The following ACACB variants were observed in gnomAD, a reference collection of about 807,000 sequenced individuals.
ACACB encodes acetyl-CoA carboxylase beta.
ACACB carries 209 observed loss-of-function variants against 278.8 expected under a neutral mutation model. The ratio of observed to expected loss-of-function variants is 0.75; its 90% CI spans 0.67 to 0.84. The LOEUF (loss-of-function observed/expected upper bound fraction) is 0.84. ACACB is among the 40% of genes least tolerant of loss of function. The probability of loss-of-function intolerance (pLI) is 0.00; values close to 1 mark genes in which losing one functional copy is unlikely to be tolerated. For synonymous variants in ACACB, 1,174 were observed against 1,285.6 expected (o/e 0.91, Z 1.86); for missense variants, 2,850 against 3,269.0 (o/e 0.87, Z 3.13).
chr12:109,117,754 A>C (rs2042441921), intron 1 of ACACB, among the ~76,000 whole-genome samples: 1 of 152,222 alleles, frequency 6.6e-6, no homozygotes, highest in African/African-American at 2.4e-5. Flanking sequence ...GGGACATGGG[A>C]CTTGCAATTT....
At chr12:109,184,165 G>A (rs964872658) in intron 11 of ACACB, among the ~76,000 whole-genome samples, 12 of 151,826 alleles carry the variant, frequency 7.9e-5, no homozygotes, top group African/African-American at 2.9e-4. Flanking sequence ...CGATTCTCCT[G>A]CCTCAGCCTC....
chr12:109,262,585 A>T, intron 49 of ACACB, 116 bp downstream of exon 49: 1 of 618,040 alleles, frequency 1.6e-6, no homozygotes, highest in Non-Finnish European at 2.8e-6. Context: ...ATACAGCTAT[A>T]ATAACTGTGA....
intron 38 of ACACB, 77 bp from the exon 39 acceptor site, chr12:109,246,096 AAATAAT>A: frequency 2.1e-6 from 3 of 1,447,576 alleles, no homozygotes; most frequent in Non-Finnish European, 2.8e-6. Context: ...TATCTAAAAA[AAATAAT>A]AATAACTAAA....
intron 2 of ACACB, among the ~76,000 whole-genome samples, chr12:109,158,184 A>G (rs1207900217): frequency 6.6e-6 from 1 of 152,102 alleles, no homozygotes; most frequent in Admixed American, 6.6e-5. Flanking sequence ...CAGACAGTAA[A>G]TATTTTTGGC....
chr12:109,253,282 C>T (rs2047144648), intron 43 of ACACB, 124 bp downstream of exon 43: 8 of 1,093,150 alleles, frequency 7.3e-6, no homozygotes, highest in Non-Finnish European at 1.0e-5. Context: ...GCACATGTGG[C>T]TGGGGTTGAT....
chr12:109,218,230 C>T (rs1389067986), intron 24 of ACACB, among the ~76,000 whole-genome samples: 1 of 152,200 alleles, frequency 6.6e-6, no homozygotes, highest in Non-Finnish European at 1.5e-5. Context: ...GAGACAGGGT[C>T]TCGCTCTGTT....
At chr12:109,214,306 A>C (rs1293870691) in intron 22 of ACACB, among the ~76,000 whole-genome samples, 1 of 152,140 alleles carries the variant, frequency 6.6e-6, no homozygotes, top group Non-Finnish European at 1.5e-5. Flanking sequence ...GATTTGAACC[A>C]GTAAATTCCA....
intron 1 of ACACB, among the ~76,000 whole-genome samples, chr12:109,117,922 GT>G (rs1377267652): frequency 1.3e-5 from 2 of 152,136 alleles, no homozygotes; most frequent in East Asian, 1.9e-4. Context: ...AATTTTTTTT[GT>G]ATTTTTAGTA....
intron 15 of ACACB, among the ~76,000 whole-genome samples, chr12:109,192,285 C>A (rs893930305): frequency 2.6e-5 from 4 of 152,180 alleles, no homozygotes; most frequent in Admixed American, 2.6e-4. Context: ...TAAAGGTCAT[C>A]TCTACAAGCG....
intron 2 of ACACB, among the ~76,000 whole-genome samples, chr12:109,147,222 TTTTGTTTG>T (rs199885303): frequency 9.2e-5 from 14 of 151,890 alleles, no homozygotes; most frequent in East Asian, 5.8e-4. Flanking sequence ...TTATGTCTGT[TTTTGTTTG>T]TTTGTTTGTT....
At chr12:109,203,570 G>A (rs972962681) in intron 19 of ACACB, among the ~76,000 whole-genome samples, 3 of 152,192 alleles carry the variant, frequency 2.0e-5, no homozygotes, top group Admixed American at 6.5e-5. Flanking sequence ...CGCTGCTGGG[G>A]CCCCAGTGCC....
chr12:109,191,807 C>A (rs775861609), intron 14 of ACACB, 40 bp from the exon 15 acceptor site: 4 of 1,614,136 alleles, frequency 2.5e-6, no homozygotes, highest in Non-Finnish European at 3.4e-6. Flanking sequence ...ATGGCCGAGA[C>A]CTCGGCTTCC....
chr12:109,168,671 A>G (rs1446265731), intron 4 of ACACB, among the ~76,000 whole-genome samples: 1 of 152,056 alleles, frequency 6.6e-6, no homozygotes, highest in Non-Finnish European at 1.5e-5. Flanking sequence ...AAAATAAAAA[A>G]ATTAACTGGG....
intron 13 of ACACB, 33 bp downstream of exon 13, chr12:109,188,195 T>TTCCC: frequency 8.6e-7 from 1 of 1,167,446 alleles, no homozygotes; most frequent in South Asian, 1.5e-5. Context: ...CCTTCCTTCC[T>TTCCC]TCCTTCCTTC....
intron 2 of ACACB, among the ~76,000 whole-genome samples, chr12:109,151,066 C>T (rs1440479199): frequency 1.3e-5 from 2 of 149,762 alleles, no homozygotes; most frequent in Non-Finnish European, 2.9e-5. Flanking sequence ...GCAACCTCTA[C>T]CGCCCGGGTC....
rs527500501 is a variant in ACACB, at chr12:109,177,698, A to G, written c.1438-1390A>G. Among the ~76,000 whole-genome samples, 8 of 152,314 alleles carry G rather than the reference A, an allele frequency of 5.3e-5. No individual in the cohort carries two copies. The South Asian group carries it at 1.7e-3, about 32-fold the overall frequency. ...ATAACTTTGCAACTAAGAGATTAAC[A>G]TGGGCACTTTTCTGTTTGGTAAACT... On this transcript the variant is annotated intron_variant, in intron 9 of 52. Transcript: ENST00000338432.
chr12:109,252,090 G>A lies in ACACB; in HGVS notation c.5835G>A (p.Leu1945=), dbSNP rs140927923. The change falls in exon 42 of 53, where the codon CTG becomes CTA. Residue 1945 remains leucine (L), a synonymous_variant. Coordinates refer to ENST00000338432, the MANE Select transcript of ACACB (RefSeq NM_001093.4). ...AIGIGAYLVR[L]GQRVIQVENS... is the part of the protein sequence containing the mutation. ...GGATTGGGGCCTACTTGGTGAGGCT[G>A]GGCCAGCGAGTGATCCAGGTGGAGA... 98 of 1,613,548 alleles carry A rather than the reference G, an allele frequency of 6.1e-5. No individual in the cohort carries two copies. The highest frequency in any genetic ancestry group is 1.7e-4 in the Admixed American group (10 of 59,950).
chr12:109,225,720 A>G (rs893895529), intron 27 of ACACB, among the ~76,000 whole-genome samples: 1 of 152,250 alleles, frequency 6.6e-6, no homozygotes, highest in African/African-American at 2.4e-5. Context: ...TGCATTGTCC[A>G]CTATGGCAGC....
In ACACB at chr12:109,264,469, G is replaced by GGAGGGCGGT. The variant is rs765715021; in HGVS notation, c.6942+85_6942+93dup. On this transcript the variant is annotated intron_variant, in intron 50 of 52. Coordinates refer to ENST00000338432, the MANE Select transcript of ACACB (RefSeq NM_001093.4). Reference sequence around the variant, plus strand: ...GGAGGACATTTGGGCTCGGGGGCGGGGAGGGCGGTGGTGGTTGGGATGGGT... The same window carrying GGAGGGCGGT: ...GGAGGACATTTGGGCTCGGGGGCGGGGAGGGCGGTGAGGGCGGTGGTGGTTGGGATGGGT... The GGAGGGCGGT allele has an allele frequency of 3.4e-4, 523 of 1,537,656 alleles. 1 individual carries two copies. The highest frequency in any genetic ancestry group is 4.1e-4 in the Non-Finnish European group (465 of 1,120,740).
Sources: allele counts gnomAD v4.1 joint callset (sites outside exome capture counted in the v4.1 genomes callset), GRCh38; gene constraint gnomAD v4.1.1; transcripts MANE v1.5; gene names NCBI Gene and HGNC (gene_info 2026-07-23, HGNC 2026-07-21).